The following LYSMD4 variants were observed in gnomAD, a reference collection of about 807,000 sequenced individuals.
The protein encoded by LYSMD4 is LysM domain containing 4.
A neutral mutation model predicts 6.1 loss-of-function variants in LYSMD4; 9 were observed. That is an observed-to-expected ratio of 1.47 (90% CI 0.88 to 2.56). LYSMD4 has a LOEUF of 2.56. LYSMD4 is among the 30% of genes most tolerant of loss of function. The pLI is 0.00. For synonymous variants in LYSMD4, 143 were observed against 148.5 expected (o/e 0.96, Z 0.27); for missense variants, 384 against 373.5 (o/e 1.03, Z -0.23).
chr15:99,716,792 A>G, exon 1 of LYSMD4: 1 of 409,382 alleles, frequency 2.4e-6, no homozygotes, highest in African/African-American at 2.1e-5. Flanking sequence ...GATGAGTGGA[A>G]TCCATTCGGC....
chr15:99,716,768 T>C (rs2059182193), exon 1 of LYSMD4: 2 of 444,992 alleles, frequency 4.5e-6, no homozygotes, highest in South Asian at 3.1e-5. Flanking sequence ...GGCTGTTGCA[T>C]GCACAGTGCT....
At chr15:99,716,766 C>G (rs1310676532) in exon 1 of LYSMD4, 5 of 449,184 alleles carry the variant, frequency 1.1e-5, no homozygotes, top group South Asian at 7.8e-5. Flanking sequence ...CTGGCTGTTG[C>G]ATGCACAGTG....
downstream of LYSMD4, among the ~76,000 whole-genome samples, chr15:99,725,373 C>A (rs111575991): frequency 5.1e-3 from 774 of 152,348 alleles, 10 homozygotes; most frequent in African/African-American, 0.018. Context: ...CACATTCTCA[C>A]CACCTGTTTC....
At chr15:99,721,607 A>T (rs2059238591), upstream of LYSMD4, among the ~76,000 whole-genome samples, 1 of 152,196 alleles carries the variant, frequency 6.6e-6, no homozygotes, top group African/African-American at 2.4e-5. Flanking sequence ...CCCATGATCC[A>T]GTCCAGGCTC....
chr15:99,731,503 C>T (rs1205955998), intron 2 of LYSMD4: 18 of 1,579,392 alleles, frequency 1.1e-5, no homozygotes, highest in Non-Finnish European at 1.5e-5. Flanking sequence ...GAAAGAAATG[C>T]GCTAACCCTC....
chr15:99,716,652 A>ACG (rs78767524), exon 2 of LYSMD4: 6,385 of 456,654 alleles, frequency 0.014, 68 homozygotes, highest in Non-Finnish European at 0.018. Flanking sequence ...AACCGTCCCA[A>ACG]CGCCCCCACT....
At chr15:99,717,285 C>T (rs2059194282) in exon 1 of LYSMD4, 1 of 152,390 alleles carries the variant, frequency 6.6e-6, no homozygotes, top group South Asian at 2.1e-4. Flanking sequence ...TTACATTTTC[C>T]TGCTTGGCTC....
upstream of LYSMD4, among the ~76,000 whole-genome samples, chr15:99,718,581 G>T (rs2059212650): frequency 6.6e-6 from 1 of 152,126 alleles, no homozygotes; most frequent in Non-Finnish European, 1.5e-5. Context: ...TGTGGACTCG[G>T]ATTTTATTTC....
downstream of LYSMD4, among the ~76,000 whole-genome samples, chr15:99,726,146 G>GTTTTTTTTT (rs10637642): frequency 3.2e-5 from 2 of 62,164 alleles, no homozygotes; most frequent in South Asian, 7.1e-4. Flanking sequence ...GTCTCAAGTG[G>GTTTTTTTTT]TTTTTTTTTT....
chr15:99,718,498 T>C (rs2059211767), upstream of LYSMD4, among the ~76,000 whole-genome samples: 1 of 152,264 alleles, frequency 6.6e-6, no homozygotes, highest in Non-Finnish European at 1.5e-5. Context: ...GCCTGTTTTC[T>C]TCCACATTTA....
At position 99,728,597 on chromosome 15, in the gene LYSMD4, G is replaced by GCCCC. The variant is rs1303979182; in HGVS notation, c.*525_*526insGGGG. ...AACTGAGGGGGCCAATATGAAGTAG[G>GCCCC]CTTGTTACAACTGTAACTGTCACTC... On this transcript the variant is annotated 3_prime_UTR_variant, in exon 3 of 3. Transcript: ENST00000684762. The GCCCC allele has an allele frequency of 6.0e-6, 1 of 166,606 alleles. No individual in the cohort carries two copies. The highest frequency in any genetic ancestry group is 2.4e-5 in the African/African-American group (1 of 41,874). 10.3% of individuals were successfully genotyped at this position (166,606 alleles called of 1,614,324 possible).
Position 99,732,846 on chromosome 15 carries a change from C to T in LYSMD4, c.-9+499G>A, listed in dbSNP as rs531602080. 750 of 153,118 alleles carry T rather than the reference C, an allele frequency of 4.9e-3. 2 individuals carry two copies. The highest frequency in any genetic ancestry group is 6.9e-3 in the Non-Finnish European group (474 of 68,602). The allele number at this position is 153,118 out of a possible 1,614,324, so 9.5% of individuals were successfully genotyped here. On this transcript the variant is annotated intron_variant, in intron 1 of 2. Transcript: ENST00000684762. Reference sequence around the variant, plus strand: ...TCCCCGCCCACGCCTTCGAGGGTCACAGGCCCACACCCCGCTCCGCGCGCT... The same window carrying T: ...TCCCCGCCCACGCCTTCGAGGGTCATAGGCCCACACCCCGCTCCGCGCGCT...
At chr15:99,730,674 C>T (rs758354831) in intron 2 of LYSMD4, among the ~76,000 whole-genome samples, 1 of 152,128 alleles carries the variant, frequency 6.6e-6, no homozygotes, top group East Asian at 1.9e-4. Flanking sequence ...GCATGAGACC[C>T]TTGAGATCTT....
At position 99,727,563 on chromosome 15, in the gene LYSMD4, A is replaced by G. The variant is rs2059300859; in HGVS notation, c.*1560T>C. 1 of 152,242 alleles carries G rather than the reference A, an allele frequency of 6.6e-6. No individual in the cohort carries two copies. The highest frequency in any genetic ancestry group is 1.5e-5 in the Non-Finnish European group (1 of 68,052). 9.4% of individuals were successfully genotyped at this position (152,242 alleles called of 1,614,324 possible). A position where few individuals can be genotyped will look rare whatever the true frequency, so the allele number is the denominator to read the frequency against. ...ACCTGTGGCCCTCAGTGACACAGAG[A>G]GCACAGACATTTGGCTGGGAAAGCA... is the stretch of plus-strand genomic sequence containing the variant. On this transcript the variant is annotated 3_prime_UTR_variant, in exon 3 of 3. Transcript: ENST00000684762.
At chr15:99,718,917 A>G (rs1344132755), upstream of LYSMD4, among the ~76,000 whole-genome samples, 64 of 34,392 alleles carry the variant, frequency 1.9e-3, no homozygotes, top group Middle Eastern at 0.016. Context: ...GCGCACACAC[A>G]CACACACACA....
chr15:99,729,974 G>A (rs2059364602), intron 2 of LYSMD4, among the ~76,000 whole-genome samples: 1 of 152,190 alleles, frequency 6.6e-6, no homozygotes, highest in Admixed American at 6.5e-5. Flanking sequence ...TTACAGGTTT[G>A]AACAATTTAA....
rs2059420137 is a variant in LYSMD4 at position 99,731,761 on chromosome 15, T to C, written c.239A>G (p.Gln80Arg). 1 of 1,609,126 alleles carries C rather than the reference T, an allele frequency of 6.2e-7. No homozygotes were observed. The highest frequency in any genetic ancestry group is 2.2e-5 in the East Asian group (1 of 44,832). Residue 80 changes from glutamine to arginine, a missense_variant, in exon 2 of 3, where the codon CAG becomes CGG. Gln to Arg is a conservative substitution (Grantham distance 43). Coordinates refer to ENST00000684762, the MANE Select transcript of LYSMD4 (RefSeq NM_001284417.2). Reference protein sequence around the residue: ...DVVLLQRELAQEDSLNKLALQ... With the variant: ...DVVLLQRELAREDSLNKLALQ... ...CGCCAGCTTGTTGAGGCTGTCCTCCTGGGCCAGCTCCCGCTGCAGCAGCAC... is the reference window on the plus strand; with the variant it reads ...CGCCAGCTTGTTGAGGCTGTCCTCCCGGGCCAGCTCCCGCTGCAGCAGCAC...
At chr15:99,726,171 C>T (rs1354121173), downstream of LYSMD4, among the ~76,000 whole-genome samples, 4 of 7,388 alleles carry the variant, frequency 5.4e-4, no homozygotes, top group Non-Finnish European at 3.5e-3. Flanking sequence ...TTTTTTTTCC[C>T]GCCTGAGTCT....
chr15:99,724,848 A>G (rs1278007842), downstream of LYSMD4, among the ~76,000 whole-genome samples: 1 of 152,196 alleles, frequency 6.6e-6, no homozygotes, highest in Non-Finnish European at 1.5e-5. Context: ...AGGCATGGGA[A>G]GGGGTACAGG....
Sources: gnomAD v4.1 joint callset for allele counts (sites outside exome capture counted in the v4.1 genomes callset) on GRCh38, gnomAD v4.1.1 for gene constraint, MANE v1.5 for transcripts, NCBI Gene and HGNC (gene_info 2026-07-23, HGNC 2026-07-21) for gene names.